Variants in MGAT4C observed in about 807,000 individuals in gnomAD.
The protein encoded by MGAT4C is alpha-1,3-mannosyl-glycoprotein 4-beta-N-acetylglucosaminyltransferase C.
Under a neutral mutation model 40.1 loss-of-function variants are expected in MGAT4C, and 19 were observed. The observed-to-expected ratio is 0.47, with a 90% confidence interval of 0.33 to 0.70. The LOEUF (loss-of-function observed/expected upper bound fraction) is 0.70. Among genes scored for constraint, MGAT4C ranks in the 30% least tolerant of loss-of-function variants. The pLI is 0.02. For missense variants in MGAT4C, 491 were observed against 563.2 expected, an observed-to-expected ratio of 0.87 and a Z score of 1.30; for synonymous variants, 181 against 187.1, an observed-to-expected ratio of 0.97 and a Z score of 0.27.
At chr12:86,732,242 T>C (rs113968944) in intron 1 of MGAT4C, among the ~76,000 whole-genome samples, 1 of 152,174 alleles carries the variant, frequency 6.6e-6, no homozygotes, top group Non-Finnish European at 1.5e-5. Context: ...AGTTCATCAA[T>C]GCATTTGAAT....
At chr12:86,372,215 A>G (rs1188187814) in intron 3 of MGAT4C, among the ~76,000 whole-genome samples, 1 of 151,886 alleles carries the variant, frequency 6.6e-6, no homozygotes, top group African/African-American at 2.4e-5. Flanking sequence ...TATGACATCA[A>G]GACACTCCAG....
chr12:86,490,946 T>A (rs1043641669), intron 2 of MGAT4C, among the ~76,000 whole-genome samples: 3 of 152,002 alleles, frequency 2.0e-5, no homozygotes, highest in African/African-American at 7.2e-5. Flanking sequence ...AGACTTAGAC[T>A]CCCACACAAT....
At position 85,973,678 on chromosome 12, in the gene MGAT4C, T is replaced by A. The variant is rs1016316806; in HGVS notation, c.*5611A>T. On this transcript the variant is annotated 3_prime_UTR_variant, in exon 5 of 5. Transcript: ENST00000611864. Reference sequence around the variant, plus strand: ...GATCATGCTATATTCTTAATTTAATTGTACTTCTATGGTCATATACAATTT... The same window carrying A: ...GATCATGCTATATTCTTAATTTAATAGTACTTCTATGGTCATATACAATTT... 2.7e-5 allele frequency: 4 copies of A among 150,896 alleles called. No homozygotes were observed. The highest frequency in any genetic ancestry group is 4.5e-5 in the Non-Finnish European group (3 of 67,112). The allele number at this position is 150,896 out of a possible 1,614,324, so 9.3% of individuals were successfully genotyped here. A position where few individuals can be genotyped will look rare whatever the true frequency, so the allele number is the denominator to read the frequency against.
At chr12:86,042,813 A>G (rs534765794) in intron 2 of MGAT4C, among the ~76,000 whole-genome samples, 1 of 147,706 alleles carries the variant, frequency 6.8e-6, no homozygotes, top group Admixed American at 7.0e-5. Flanking sequence ...GCTTGCAGTG[A>G]GCCAAGATCA....
At chr12:86,534,510 G>A (rs1959038601) in intron 2 of MGAT4C, among the ~76,000 whole-genome samples, 1 of 151,924 alleles carries the variant, frequency 6.6e-6, no homozygotes, top group South Asian at 2.1e-4. Flanking sequence ...TGGTGTTCAT[G>A]GTTCACACAG....
intron 2 of MGAT4C, among the ~76,000 whole-genome samples, chr12:86,034,171 T>A (rs1323409217): frequency 6.7e-6 from 1 of 149,750 alleles, no homozygotes. Flanking sequence ...TTGATGTGGA[T>A]TTTTGCATCT....
chr12:86,164,168 A>C (rs1593117487), intron 1 of MGAT4C, among the ~76,000 whole-genome samples: 1 of 152,164 alleles, frequency 6.6e-6, no homozygotes, highest in Admixed American at 6.6e-5. Context: ...AGTGTGAAAT[A>C]AGTTTTAAAG....
At chr12:86,275,944 C>CAAAAAAAAAAAAAAA (rs748476574) in intron 4 of MGAT4C, among the ~76,000 whole-genome samples, 1 of 69,184 alleles carries the variant, frequency 1.4e-5, no homozygotes, top group African/African-American at 5.4e-5. Context: ...ACTAAAAATC[C>CAAAAAAAAAAAAAAA]AAAAAAAAAA....
At chr12:86,711,634 G>A (rs1950557594) in intron 2 of MGAT4C, among the ~76,000 whole-genome samples, 2 of 151,926 alleles carry the variant, frequency 1.3e-5, no homozygotes, top group South Asian at 2.1e-4. Context: ...TGGAATAAAG[G>A]ATAAATGGAA....
intron 2 of MGAT4C, among the ~76,000 whole-genome samples, chr12:86,471,812 T>C (rs1957761359): frequency 6.6e-6 from 1 of 152,112 alleles, no homozygotes; most frequent in African/African-American, 2.4e-5. Flanking sequence ...ATTCAAAGTA[T>C]TATATGTTAC....
In MGAT4C at chr12:86,418,247, T is replaced by C. The variant is rs1956756044; in HGVS notation, c.-120+16910A>G. Among the ~76,000 whole-genome samples, 3 of 152,132 alleles carry C rather than the reference T, an allele frequency of 2.0e-5. No individual in the cohort carries two copies. In the South Asian group the frequency reaches 6.2e-4, roughly 32 times the overall value. On this transcript the variant is annotated intron_variant, in intron 3 of 7. Coordinates refer to the MGAT4C transcript ENST00000548651. ...GAGCATATGATTTGTGAATCATTCA[T>C]ATAAACATAAGTCTGGGTTATGCTA...
intron 1 of MGAT4C, among the ~76,000 whole-genome samples, chr12:86,050,356 G>A (rs891695582): frequency 6.6e-6 from 1 of 152,006 alleles, no homozygotes; most frequent in East Asian, 1.9e-4. Flanking sequence ...ATAAATAAGC[G>A]AATAAAATTC....
At chr12:86,120,073 C>T (rs1879119917) in intron 1 of MGAT4C, among the ~76,000 whole-genome samples, 1 of 151,628 alleles carries the variant, frequency 6.6e-6, no homozygotes, top group Non-Finnish European at 1.5e-5. Flanking sequence ...TATACAAGCT[C>T]AACTTTCCTG....
intron 1 of MGAT4C, among the ~76,000 whole-genome samples, chr12:86,252,218 A>G (rs1260127808): frequency 3.3e-5 from 5 of 152,058 alleles, no homozygotes. Context: ...CGTACTTTCA[A>G]TTATTGAATT....
At chr12:86,261,257 C>T (rs576254348), upstream of MGAT4C, among the ~76,000 whole-genome samples, 27 of 152,222 alleles carry the variant, frequency 1.8e-4, no homozygotes, top group Non-Finnish European at 3.4e-4. Context: ...GCATCAACTT[C>T]ACTTCTATTC....
chr12:86,250,227 A>G (rs553562681), intron 1 of MGAT4C, among the ~76,000 whole-genome samples: 1 of 152,138 alleles, frequency 6.6e-6, no homozygotes, highest in African/African-American at 2.4e-5. Context: ...TAAACATTAC[A>G]TTTTTTATCC....
intron 2 of MGAT4C, among the ~76,000 whole-genome samples, chr12:86,540,244 T>G (rs1258557805): frequency 6.6e-6 from 1 of 152,232 alleles, no homozygotes; most frequent in African/African-American, 2.4e-5. Context: ...CCATAGCTTC[T>G]GCTGGATGAC....
chr12:86,545,375 T>C (rs1017340003), intron 2 of MGAT4C, among the ~76,000 whole-genome samples: 5 of 152,016 alleles, frequency 3.3e-5, no homozygotes, highest in Admixed American at 2.0e-4. Context: ...TAACCTCAAG[T>C]AGATACTATG....
chr12:86,146,220 A>G (rs2135752701), intron 1 of MGAT4C, among the ~76,000 whole-genome samples: 1 of 152,180 alleles, frequency 6.6e-6, no homozygotes, highest in South Asian at 2.1e-4. Flanking sequence ...AAATCCACTT[A>G]TTTTCTTACA....
Sources: gnomAD v4.1 joint callset for allele counts (sites outside exome capture counted in the v4.1 genomes callset) on GRCh38, gnomAD v4.1.1 for gene constraint, MANE v1.5 for transcripts, NCBI Gene and HGNC (gene_info 2026-07-23, HGNC 2026-07-21) for gene names.